The following RSRC1 variants were observed in gnomAD, a reference collection of about 807,000 sequenced individuals.
RSRC1 encodes serine/Arginine-related protein 53.
Under a neutral mutation model 49.1 loss-of-function variants are expected in RSRC1, and 39 were observed. The observed-to-expected ratio is 0.79, with a 90% CI of 0.61 to 1.04. The LOEUF is 1.04. Ranked by LOEUF, RSRC1 falls within the 50% of genes least tolerant of loss-of-function variation. RSRC1 has a pLI of 0.00. For missense variants in RSRC1, 388 were observed against 402.4 expected (o/e 0.96, Z 0.31); for synonymous variants, 143 against 130.8 (o/e 1.09, Z -0.63).
At chr3:158,255,922 G>T (rs1198053842) in intron 4 of RSRC1, among the ~76,000 whole-genome samples, 1 of 152,064 alleles carries the variant, frequency 6.6e-6, no homozygotes, top group Non-Finnish European at 1.5e-5. Context: ...GTATCCTGAG[G>T]CCTTGCTGAA....
intron 3 of RSRC1, among the ~76,000 whole-genome samples, chr3:158,198,707 C>A (rs1720820440): frequency 6.6e-6 from 1 of 152,070 alleles, no homozygotes; most frequent in African/African-American, 2.4e-5. Context: ...GTGAGATGAA[C>A]TTGGTACCTC....
chr3:158,358,732 C>T (rs903343992), intron 6 of RSRC1, among the ~76,000 whole-genome samples: 1 of 152,006 alleles, frequency 6.6e-6, no homozygotes, highest in African/African-American at 2.4e-5. Context: ...AGAGTGAAAC[C>T]GCTTACCTAC....
At chr3:158,209,222 G>A (rs567095650) in intron 4 of RSRC1, among the ~76,000 whole-genome samples, 1 of 152,264 alleles carries the variant, frequency 6.6e-6, no homozygotes, top group Admixed American at 6.5e-5. Flanking sequence ...GGACCTTTAT[G>A]GAAGGTGGGT....
chr3:158,367,547 A>G (rs1273431331), intron 6 of RSRC1, among the ~76,000 whole-genome samples: 1 of 152,084 alleles, frequency 6.6e-6, no homozygotes, highest in Non-Finnish European at 1.5e-5. Context: ...CCAGTATTTT[A>G]TTGAGGATTT....
intron 7 of RSRC1, among the ~76,000 whole-genome samples, chr3:158,477,543 T>C (rs1005270201): frequency 6.6e-6 from 1 of 152,114 alleles, no homozygotes; most frequent in African/African-American, 2.4e-5. Context: ...AAGTATGTTT[T>C]AAATTAAGGC....
At chr3:158,272,351 G>C (rs1027941619) in intron 4 of RSRC1, among the ~76,000 whole-genome samples, 1 of 152,080 alleles carries the variant, frequency 6.6e-6, no homozygotes, top group African/African-American at 2.4e-5. Context: ...AAATGGAACC[G>C]GCAGGCTTGA....
chr3:158,380,823 A>G (rs1294171641), intron 6 of RSRC1, among the ~76,000 whole-genome samples: 8 of 152,140 alleles, frequency 5.3e-5, no homozygotes, highest in African/African-American at 9.7e-5. Context: ...TTTTGAAATT[A>G]TATTTTTTTC....
intron 7 of RSRC1, among the ~76,000 whole-genome samples, chr3:158,465,791 T>C (rs963025889): frequency 6.6e-6 from 1 of 152,218 alleles, no homozygotes; most frequent in African/African-American, 2.4e-5. Flanking sequence ...TATTAATATA[T>C]CTGTCATAAT....
chr3:158,536,763 A>G (rs1315721733), intron 7 of RSRC1, among the ~76,000 whole-genome samples: 4 of 151,520 alleles, frequency 2.6e-5, no homozygotes, highest in Admixed American at 2.0e-4. Context: ...GAAGCTGAGC[A>G]TTGAGTACAG....
At chr3:158,326,914 A>T (rs1479004739) in intron 5 of RSRC1, among the ~76,000 whole-genome samples, 2 of 152,062 alleles carry the variant, frequency 1.3e-5, no homozygotes, top group East Asian at 3.9e-4. Context: ...AGAGCCTGTT[A>T]TTGGTCTATT....
intron 3 of RSRC1, among the ~76,000 whole-genome samples, chr3:158,202,603 G>T (rs1338238154): frequency 6.6e-5 from 5 of 76,324 alleles, no homozygotes; most frequent in Non-Finnish European, 1.3e-4. Flanking sequence ...ATTGTAACCA[G>T]AACCTGAAAT....
intron 3 of RSRC1, among the ~76,000 whole-genome samples, chr3:158,140,258 T>C (rs1716660779): frequency 6.6e-6 from 1 of 152,240 alleles, no homozygotes; most frequent in Admixed American, 6.5e-5. Flanking sequence ...GCTGTAGATT[T>C]AAAAGTTTTA....
intron 3 of RSRC1, among the ~76,000 whole-genome samples, chr3:158,132,790 A>C (rs1393840233): frequency 6.6e-6 from 1 of 152,234 alleles, no homozygotes; most frequent in Non-Finnish European, 1.5e-5. Context: ...ATCAATGAAC[A>C]AAGTCAGATC....
chr3:158,231,424 C>T (rs1722948895), intron 4 of RSRC1, among the ~76,000 whole-genome samples: 1 of 152,020 alleles, frequency 6.6e-6, no homozygotes, highest in Non-Finnish European at 1.5e-5. Flanking sequence ...GTGTGAGCTA[C>T]CATGCCCGAC....
At chr3:158,306,702 A>G (rs1727858213) in intron 5 of RSRC1, among the ~76,000 whole-genome samples, 2 of 151,884 alleles carry the variant, frequency 1.3e-5, no homozygotes, top group African/African-American at 4.8e-5. Context: ...TATTATTTAG[A>G]TTTATTACAG....
intron 6 of RSRC1, among the ~76,000 whole-genome samples, chr3:158,449,910 T>A (rs1052871931): frequency 6.6e-6 from 1 of 151,972 alleles, no homozygotes; most frequent in Non-Finnish European, 1.5e-5. Flanking sequence ...CTACTACTGC[T>A]TATTCTAAGG....
chr3:158,351,016 TA>T (rs993794185), intron 5 of RSRC1, among the ~76,000 whole-genome samples: 1 of 151,928 alleles, frequency 6.6e-6, no homozygotes, highest in Non-Finnish European at 1.5e-5. Flanking sequence ...ATCCTTTCTT[TA>T]AAAAAAATAA....
intron 5 of RSRC1, among the ~76,000 whole-genome samples, chr3:158,322,360 G>A (rs1728811720): frequency 6.6e-6 from 1 of 152,088 alleles, no homozygotes. Context: ...GCCTCCCAAA[G>A]GGCTGGGATT....
Position 158,516,852 on chromosome 3 carries a change from C to T in RSRC1, c.653-20240C>T, listed in dbSNP as rs192775346. On this transcript the variant is annotated intron_variant, in intron 7 of 9. Coordinates refer to ENST00000611884, the MANE Select transcript of RSRC1 (RefSeq NM_001271838.2). The stretch of plus-strand genomic sequence containing the variant: ...GTGCGGTATTCAGGTGGGAGTGACC[C>T]GATTTTCCAGGTGCCGTCTGTCACC... Among the ~76,000 whole-genome samples, 26 of 152,296 alleles carry T rather than the reference C, an allele frequency of 1.7e-4. No homozygotes were observed. The East Asian group carries it at 2.9e-3, about 17-fold the overall frequency.
Sources: gnomAD v4.1 joint callset for allele counts (sites outside exome capture counted in the v4.1 genomes callset) on GRCh38, gnomAD v4.1.1 for gene constraint, MANE v1.5 for transcripts, NCBI Gene and HGNC (gene_info 2026-07-23, HGNC 2026-07-21) for gene names.